The following UNC5D variants were observed in gnomAD, a reference collection of about 807,000 sequenced individuals.
UNC5D encodes unc-5 netrin receptor D, also known as netrin receptor UNC5D.
A neutral mutation model predicts 105.4 loss-of-function variants in UNC5D; 39 were observed. That is an observed-to-expected ratio of 0.37 (90% CI 0.29 to 0.48). The LOEUF (loss-of-function observed/expected upper bound fraction) is 0.48. Ranked by LOEUF, UNC5D falls within the 20% of genes least tolerant of loss-of-function variation. The pLI, the probability that UNC5D is intolerant of heterozygous loss-of-function variation, is 0.98. For missense variants in UNC5D, 991 were observed against 1,202.4 expected (o/e 0.82, Z 2.60); for synonymous variants, 452 against 450.4 (o/e 1.00, Z -0.04).
At chr8:35,345,947 A>G (rs1202995705) in intron 1 of UNC5D, among the ~76,000 whole-genome samples, 2 of 152,032 alleles carry the variant, frequency 1.3e-5, no homozygotes, top group African/African-American at 4.8e-5. Context: ...TTGTCTGTGG[A>G]TAGTCTATCC....
chr8:35,456,754 A>G (rs192222392), intron 1 of UNC5D, among the ~76,000 whole-genome samples: 11 of 152,296 alleles, frequency 7.2e-5, no homozygotes, highest in Non-Finnish European at 1.3e-4. Context: ...GTTAAATCTA[A>G]TAGTGCCTCA....
intron 8 of UNC5D, among the ~76,000 whole-genome samples, chr8:35,708,584 T>C (rs1167657495): frequency 6.6e-6 from 1 of 152,224 alleles, no homozygotes; most frequent in East Asian, 1.9e-4. Flanking sequence ...GAAAAATGGT[T>C]GCCTTGAGAC....
intron 4 of UNC5D, among the ~76,000 whole-genome samples, chr8:35,673,980 A>G (rs1014368947): frequency 2.6e-5 from 4 of 152,334 alleles, no homozygotes; most frequent in Admixed American, 2.0e-4. Flanking sequence ...TTGACTTGGC[A>G]TGACCTATCC....
At chr8:35,336,060 G>A (rs1811013045) in intron 1 of UNC5D, among the ~76,000 whole-genome samples, 1 of 152,036 alleles carries the variant, frequency 6.6e-6, no homozygotes, top group Admixed American at 6.5e-5. Context: ...ACCGCGCCCG[G>A]CCGAGAGATT....
chr8:35,492,930 G>C (rs571493041), intron 1 of UNC5D, among the ~76,000 whole-genome samples: 3 of 152,210 alleles, frequency 2.0e-5, no homozygotes, highest in Non-Finnish European at 2.9e-5. Context: ...TAGATAAAAA[G>C]TCTGGGTGTG....
intron 11 of UNC5D, among the ~76,000 whole-genome samples, chr8:35,732,550 C>T (rs926237299): frequency 2.6e-5 from 4 of 152,112 alleles, no homozygotes; most frequent in South Asian, 2.1e-4. Flanking sequence ...ATGGAAGTCA[C>T]CCCTTTTTTA....
intron 1 of UNC5D, among the ~76,000 whole-genome samples, chr8:35,418,758 G>A (rs752865340): frequency 2.0e-5 from 3 of 152,110 alleles, no homozygotes; most frequent in Admixed American, 6.6e-5. Context: ...TCTCACCTAC[G>A]GACGTTGGTG....
rs1245475770 is a variant in UNC5D, at chr8:35,308,111, AATGTATGTGTGT to A, written c.103+72225_103+72236del. The stretch of plus-strand genomic sequence containing the variant: ...CTATTTTAAGCCTTTTCTATGTCAC[AATGTATGTGTGT>A]GTGTGTGTGTGTGTGTGTGTGTGTG... On this transcript the variant is annotated intron_variant, in intron 1 of 16. Transcript: ENST00000404895. 2.8e-5 allele frequency among the ~76,000 whole-genome samples: 3 copies of A among 108,610 alleles called. No individual in the cohort carries two copies. In the South Asian group the frequency reaches 9.1e-4, roughly 33 times the overall value. The allele number at this position is 108,610 out of a possible 152,430, so 71.3% of individuals were successfully genotyped here.
At chr8:35,376,732 T>G (rs1258544054) in intron 1 of UNC5D, among the ~76,000 whole-genome samples, 1 of 152,174 alleles carries the variant, frequency 6.6e-6, no homozygotes, top group Non-Finnish European at 1.5e-5. Flanking sequence ...CCTTCTGCAC[T>G]TGGTCCTAAC....
At chr8:35,585,089 A>G (rs937888992) in intron 3 of UNC5D, among the ~76,000 whole-genome samples, 7 of 152,176 alleles carry the variant, frequency 4.6e-5, no homozygotes, top group African/African-American at 1.4e-4. Context: ...AGGCACAACT[A>G]TATCTATCAC....
intron 1 of UNC5D, among the ~76,000 whole-genome samples, chr8:35,378,315 C>T (rs1056056788): frequency 3.9e-5 from 6 of 152,134 alleles, no homozygotes; most frequent in Non-Finnish European, 7.3e-5. Flanking sequence ...GTGTCAACCC[C>T]CTAGTTGTCT....
intron 16 of UNC5D, 54 bp downstream of exon 16, chr8:35,774,531 A>C: frequency 1.9e-6 from 3 of 1,592,384 alleles, no homozygotes; most frequent in Non-Finnish European, 2.6e-6. Context: ...TTGGAAACAT[A>C]AAGTGGGCTA....
chr8:35,385,336 G>A (rs1432029977), intron 1 of UNC5D, among the ~76,000 whole-genome samples: 1 of 152,052 alleles, frequency 6.6e-6, no homozygotes, highest in East Asian at 1.9e-4. Context: ...CACAAACTCT[G>A]GTAGCACCTA....
intron 1 of UNC5D, among the ~76,000 whole-genome samples, chr8:35,275,100 A>C (rs1235712263): frequency 6.6e-6 from 1 of 151,202 alleles, no homozygotes; most frequent in East Asian, 1.9e-4. Context: ...CAAAAAAAGA[A>C]AACAAAACAA....
rs551572542 is a variant in UNC5D at position 35,318,682 on chromosome 8, T to A, written c.103+82795T>A. Among the ~76,000 whole-genome samples, 4 of 152,222 alleles carry A rather than the reference T, an allele frequency of 2.6e-5. 1 individual carries two copies. Among genetic ancestry groups the A allele is most frequent in the African/African-American group, 9.6e-5 (4 of 41,550 alleles). On this transcript the variant is annotated intron_variant, in intron 1 of 16. Coordinates refer to ENST00000404895, the MANE Select transcript of UNC5D (RefSeq NM_080872.4). ...ACTATAGATAGATGACATTTAAAGATGGATAAAGTAACTTCCCATTATATT... is the reference window on the plus strand; with the variant it reads ...ACTATAGATAGATGACATTTAAAGAAGGATAAAGTAACTTCCCATTATATT...
chr8:35,703,726 C>T (rs531044434), intron 7 of UNC5D, among the ~76,000 whole-genome samples: 1 of 152,256 alleles, frequency 6.6e-6, no homozygotes, highest in South Asian at 2.1e-4. Context: ...AATCTTCGTT[C>T]CTGTGGTTTA....
chr8:35,590,140 G>A (rs139861568), intron 3 of UNC5D, among the ~76,000 whole-genome samples: 152 of 151,890 alleles, frequency 1.0e-3, no homozygotes, highest in African/African-American at 3.3e-3. Context: ...ACGTCCCTTC[G>A]CCATTTTATT....
At chr8:35,435,541 T>C (rs1291359424) in intron 1 of UNC5D, among the ~76,000 whole-genome samples, 2 of 152,040 alleles carry the variant, frequency 1.3e-5, no homozygotes, top group African/African-American at 4.8e-5. Context: ...ATAACAATAA[T>C]CCAATTGACT....
intron 1 of UNC5D, among the ~76,000 whole-genome samples, chr8:35,441,044 T>A (rs1216398473): frequency 6.6e-6 from 1 of 151,936 alleles, no homozygotes; most frequent in Non-Finnish European, 1.5e-5. Context: ...GGGCAGGCAA[T>A]CTTCTGTTGG....
Sources: gnomAD v4.1 joint callset for allele counts (sites outside exome capture counted in the v4.1 genomes callset) on GRCh38, gnomAD v4.1.1 for gene constraint, MANE v1.5 for transcripts, NCBI Gene and HGNC (gene_info 2026-07-23, HGNC 2026-07-21) for gene names.